The following COL8A1 variants were observed in gnomAD, a reference collection of about 807,000 sequenced individuals.
The protein encoded by COL8A1 is collagen type VIII alpha 1 chain, also known as collagen alpha-1(VIII) chain.
In COL8A1, 21 loss-of-function variants were observed where a neutral mutation model predicts 42.7. The observed-to-expected ratio is 0.49, with a 90% CI of 0.35 to 0.71. The LOEUF (loss-of-function observed/expected upper bound fraction) is 0.71. COL8A1 is among the 30% of genes least tolerant of loss of function. COL8A1 has a pLI of 0.01. For synonymous variants in COL8A1, 367 were observed against 369.1 expected (o/e 0.99, Z 0.06); for missense variants, 788 against 962.4 (o/e 0.82, Z 2.40).
At chr3:99,658,594 C>T (rs1393505135) in intron 1 of COL8A1, among the ~76,000 whole-genome samples, 1 of 152,140 alleles carries the variant, frequency 6.6e-6, no homozygotes, top group Non-Finnish European at 1.5e-5. Context: ...AGCACAGAGC[C>T]TGAAACCAAG....
chr3:99,773,809 ATGTGTG>A, intron 2 of COL8A1, among the ~76,000 whole-genome samples: 1 of 61,654 alleles, frequency 1.6e-5, no homozygotes. Flanking sequence ...GATTATATAT[ATGTGTG>A]TATATATATA....
chr3:99,712,320 A>G (rs949849069), intron 1 of COL8A1, among the ~76,000 whole-genome samples: 16 of 152,160 alleles, frequency 1.1e-4, no homozygotes, highest in African/African-American at 3.6e-4. Flanking sequence ...TAAAGGCATC[A>G]GCAACATATG....
chr3:99,705,119 T>C (rs975431020), intron 1 of COL8A1, among the ~76,000 whole-genome samples: 1 of 152,224 alleles, frequency 6.6e-6, no homozygotes, highest in Non-Finnish European at 1.5e-5. Context: ...GGCCTATATG[T>C]TGTTCTCCTT....
chr3:99,779,350 G>A (rs1438903349), intron 2 of COL8A1, among the ~76,000 whole-genome samples: 2 of 152,186 alleles, frequency 1.3e-5, no homozygotes, highest in Non-Finnish European at 2.9e-5. Flanking sequence ...CTAAAAAAGT[G>A]ATTGTAAGCT....
intron 2 of COL8A1, among the ~76,000 whole-genome samples, chr3:99,766,737 G>A (rs985479963): frequency 6.6e-6 from 1 of 152,176 alleles, no homozygotes; most frequent in Non-Finnish European, 1.5e-5. Flanking sequence ...ATCACCTGAG[G>A]TCAGGAGTTC....
intron 2 of COL8A1, among the ~76,000 whole-genome samples, chr3:99,782,388 T>C (rs903923779): frequency 1.3e-5 from 2 of 151,998 alleles, no homozygotes; most frequent in Non-Finnish European, 2.9e-5. Context: ...AAATTATTAT[T>C]ATTATTTATT....
chr3:99,780,046 T>C (rs1559634287), intron 2 of COL8A1, among the ~76,000 whole-genome samples: 1 of 152,286 alleles, frequency 6.6e-6, no homozygotes, highest in East Asian at 1.9e-4. Context: ...GTGCTCAAGA[T>C]CCCATCTATT....
At chr3:99,700,741 C>T (rs1425155071) in intron 1 of COL8A1, among the ~76,000 whole-genome samples, 8 of 151,982 alleles carry the variant, frequency 5.3e-5, no homozygotes, top group African/African-American at 1.9e-4. Context: ...TCTGAAAGGC[C>T]CAGACTTAGA....
intron 1 of COL8A1, among the ~76,000 whole-genome samples, chr3:99,727,658 T>C (rs1479367614): frequency 6.6e-6 from 1 of 152,052 alleles, no homozygotes; most frequent in Non-Finnish European, 1.5e-5. Flanking sequence ...AACGTCATCC[T>C]GATACCAAAG....
chr3:99,727,943 C>A (rs545889273), intron 1 of COL8A1, among the ~76,000 whole-genome samples: 8 of 151,152 alleles, frequency 5.3e-5, no homozygotes, highest in South Asian at 4.2e-4. Flanking sequence ...ATTCAACAAC[C>A]CTTCATGCTA....
intron 1 of COL8A1, among the ~76,000 whole-genome samples, chr3:99,673,445 C>T (rs2107315628): frequency 6.6e-6 from 1 of 152,176 alleles, no homozygotes; most frequent in South Asian, 2.1e-4. Context: ...ATGGGACTAT[C>T]ACCCATGAGT....
intron 3 of COL8A1, 46 bp downstream of exon 3, chr3:99,791,056 T>C: frequency 6.6e-7 from 1 of 1,513,132 alleles, no homozygotes. Flanking sequence ...GCTTTCCAAA[T>C]CTCTAAATTA....
chr3:99,733,142 CT>C (rs111754426), intron 1 of COL8A1, among the ~76,000 whole-genome samples: 3 of 137,908 alleles, frequency 2.2e-5, no homozygotes, highest in African/African-American at 7.9e-5. Flanking sequence ...TTTAAACTTT[CT>C]TTTTTTTATT....
intron 1 of COL8A1, among the ~76,000 whole-genome samples, chr3:99,733,721 C>G (rs1016250003): frequency 1.3e-5 from 2 of 151,138 alleles, no homozygotes; most frequent in Non-Finnish European, 3.0e-5. Flanking sequence ...GAGGAATCGC[C>G]ACACTGACTT....
chr3:99,698,011 C>G (rs1243070582), intron 1 of COL8A1, among the ~76,000 whole-genome samples: 2 of 152,230 alleles, frequency 1.3e-5, no homozygotes, highest in Admixed American at 1.3e-4. Flanking sequence ...GTTCCCTGCC[C>G]TGTGTCTATG....
At chr3:99,726,203 T>C (rs1940320237) in intron 1 of COL8A1, among the ~76,000 whole-genome samples, 1 of 152,248 alleles carries the variant, frequency 6.6e-6, no homozygotes, top group African/African-American at 2.4e-5. Flanking sequence ...TTTGGCTGCA[T>C]AAATGTCTTC....
At chr3:99,783,140 G>A (rs1941826417) in intron 2 of COL8A1, among the ~76,000 whole-genome samples, 1 of 152,210 alleles carries the variant, frequency 6.6e-6, no homozygotes, top group African/African-American at 2.4e-5. Context: ...ATTCGGATTA[G>A]ATATTAGGAA....
intron 2 of COL8A1, among the ~76,000 whole-genome samples, chr3:99,759,106 C>CTCT (rs551662149): frequency 7.2e-6 from 1 of 139,538 alleles, no homozygotes. Flanking sequence ...GAGCCTGTTC[C>CTCT]TTTTTTTTTT....
rs75427958 is a variant in COL8A1, at chr3:99,780,742, A to G, written c.-3-9938A>G. 3.5e-3 allele frequency among the ~76,000 whole-genome samples: 527 copies of G among 152,340 alleles called. 5 individuals carry two copies. Among genetic ancestry groups the G allele is most frequent in the African/African-American group, 0.012 (497 of 41,572 alleles). On this transcript the variant is annotated intron_variant, in intron 2 of 3. Coordinates refer to ENST00000652472, the MANE Select transcript of COL8A1 (RefSeq NM_020351.4). Reference sequence around the variant, plus strand: ...ATCCTGAAGACCTGGCATCTGTTACATAATACTCTGCCCTTTCCTTTCTCC... The same window carrying G: ...ATCCTGAAGACCTGGCATCTGTTACGTAATACTCTGCCCTTTCCTTTCTCC...
Sources: allele counts gnomAD v4.1 joint callset (sites outside exome capture counted in the v4.1 genomes callset), GRCh38; gene constraint gnomAD v4.1.1; transcripts MANE v1.5; gene names NCBI Gene and HGNC (gene_info 2026-07-23, HGNC 2026-07-21).